GABBR2: variants seen among roughly 807,000 people sequenced by gnomAD.
The protein encoded by GABBR2 is gamma-aminobutyric acid type B receptor subunit 2, also known as G-protein coupled receptor 51.
Under a neutral mutation model 105.6 loss-of-function variants are expected in GABBR2, and 23 were observed. That is an observed-to-expected ratio of 0.22 (90% CI 0.16 to 0.31). GABBR2 has a LOEUF of 0.31. GABBR2 is among the 10% of genes least tolerant of loss of function. GABBR2 has a pLI of 1.00. For missense variants in GABBR2, 734 were observed against 1,245.5 expected (o/e 0.59, Z 6.18); for synonymous variants, 478 against 499.7 (o/e 0.96, Z 0.58).
At chr9:98,682,021 C>G (rs1309085205) in intron 1 of GABBR2, among the ~76,000 whole-genome samples, 4 of 152,066 alleles carry the variant, frequency 2.6e-5, no homozygotes, top group Non-Finnish European at 5.9e-5. Flanking sequence ...GATCACTTGA[C>G]TTCAGGAGTT....
chr9:98,385,180 C>G (rs189998904), intron 11 of GABBR2, among the ~76,000 whole-genome samples: 2 of 152,270 alleles, frequency 1.3e-5, no homozygotes, highest in Admixed American at 6.5e-5. Context: ...TCAGTGGGCT[C>G]TCTTCTAACA....
chr9:98,422,742 C>T (rs1273954565), intron 7 of GABBR2, among the ~76,000 whole-genome samples: 3 of 150,934 alleles, frequency 2.0e-5, no homozygotes, highest in African/African-American at 7.4e-5. Context: ...GGTATATCTC[C>T]CAATGCTATC....
intron 7 of GABBR2, among the ~76,000 whole-genome samples, chr9:98,443,271 C>G (rs547419485): frequency 3.3e-5 from 5 of 152,274 alleles, no homozygotes; most frequent in Admixed American, 6.5e-5. Flanking sequence ...TCTGTTGAAG[C>G]TCTCATAAGC....
chr9:98,398,923 A>G (rs1832341002), intron 8 of GABBR2, among the ~76,000 whole-genome samples: 1 of 152,208 alleles, frequency 6.6e-6, no homozygotes, highest in Admixed American at 6.5e-5. Context: ...TGCCAGGGGT[A>G]GATGTGTCCA....
At chr9:98,577,870 T>A in intron 2 of GABBR2, 65 bp downstream of exon 2, 1 of 1,487,812 alleles carries the variant, frequency 6.7e-7, no homozygotes, top group South Asian at 1.2e-5. Context: ...AAGGAATAAT[T>A]CCTGCAAAAG....
chr9:98,361,097 T>C (rs1275704736), intron 13 of GABBR2, among the ~76,000 whole-genome samples: 1 of 152,158 alleles, frequency 6.6e-6, no homozygotes, highest in African/African-American at 2.4e-5. Flanking sequence ...CCTGCCCTAC[T>C]CACTTCCCAG....
intron 7 of GABBR2, among the ~76,000 whole-genome samples, chr9:98,451,894 T>G (rs991859919): frequency 6.6e-6 from 1 of 152,160 alleles, no homozygotes; most frequent in Admixed American, 6.5e-5. Flanking sequence ...CATGTCTAAC[T>G]CCTGCCCACA....
intron 3 of GABBR2, among the ~76,000 whole-genome samples, chr9:98,531,855 C>T (rs945385416): frequency 6.6e-6 from 1 of 152,200 alleles, no homozygotes; most frequent in Non-Finnish European, 1.5e-5. Context: ...CACTCCCCAC[C>T]CTTCACCCAT....
In GABBR2 at chr9:98,496,327, C is replaced by A. The variant is rs539530773; in HGVS notation, c.732+86G>T. ...AAATGAACTTGAGACCCAGACCAAA[C>A]TTGAGGCTCTTTCATAGTCAGGTAA... On this transcript the variant is annotated intron_variant, in intron 4 of 18. Coordinates refer to ENST00000259455, the MANE Select transcript of GABBR2 (RefSeq NM_005458.8). 2.3e-5 allele frequency: 20 copies of A among 861,176 alleles called. 1 individual carries two copies. In the South Asian group the frequency reaches 2.5e-4, roughly 11 times the overall value. 53.3% of individuals were successfully genotyped at this position (861,176 alleles called of 1,614,324 possible). A position where few individuals can be genotyped will look rare whatever the true frequency, so the allele number is the denominator to read the frequency against.
Position 98,463,644 on chromosome 9 carries a change from C to T in GABBR2, c.1000-9427G>A, listed in dbSNP as rs571426979. Among the ~76,000 whole-genome samples, 31 of 147,720 alleles carry T rather than the reference C, an allele frequency of 2.1e-4. No homozygotes were observed. In the South Asian group the frequency reaches 4.0e-3, roughly 19 times the overall value. On this transcript the variant is annotated intron_variant, in intron 6 of 18. Transcript: ENST00000259455. ...CGCTCTCCGTCTCGCTCTCGCTCTC[C>T]GTCTCCCTCTTTCTACAGTCTCCCT...
At chr9:98,293,646 T>C (rs1038383180) in intron 18 of GABBR2, 139 bp downstream of exon 18, 3 of 575,298 alleles carry the variant, frequency 5.2e-6, no homozygotes, top group African/African-American at 3.8e-5. Context: ...AAAAGAGCAC[T>C]GTAATTGGAC....
intron 7 of GABBR2, among the ~76,000 whole-genome samples, chr9:98,408,170 G>A (rs532985220): frequency 2.0e-5 from 3 of 152,306 alleles, no homozygotes; most frequent in African/African-American, 4.8e-5. Context: ...CTTGGGAAGC[G>A]AGTTTCAACT....
At position 98,621,541 on chromosome 9, in the gene GABBR2, G is replaced by A. The variant is rs535764047; in HGVS notation, c.322-43469C>T. ...AGAAAGGCATGCTGTGAACTGCGAC[G>A]CATTCTGCAGACTGAAAGCAGCCAC... On this transcript the variant is annotated intron_variant, in intron 1 of 18. Transcript: ENST00000259455. 1.6e-4 allele frequency among the ~76,000 whole-genome samples: 24 copies of A among 152,286 alleles called. No individual in the cohort carries two copies. The East Asian group carries it at 3.1e-3, about 20-fold the overall frequency.
chr9:98,560,426 TACACAC>T lies in GABBR2; in HGVS notation c.459+17503_459+17508del, dbSNP rs1209503495. Among the ~76,000 whole-genome samples, 34 of 64,266 alleles carry T rather than the reference TACACAC, an allele frequency of 5.3e-4. No homozygotes were observed. The South Asian group carries it at 0.018, about 33-fold the overall frequency. The allele number at this position is 64,266 out of a possible 152,430, so 42.2% of individuals were successfully genotyped here. ...ATACACACACACACACATATACACATACACACACACACACATACACACACACACATA... is the reference window on the plus strand; with the variant it reads ...ATACACACACACACACATATACACATACACACACATACACACACACACATA... On this transcript the variant is annotated intron_variant, in intron 2 of 18. Coordinates refer to ENST00000259455, the MANE Select transcript of GABBR2 (RefSeq NM_005458.8).
chr9:98,596,192 C>A (rs560041211), intron 1 of GABBR2, among the ~76,000 whole-genome samples: 1 of 152,342 alleles, frequency 6.6e-6, no homozygotes, highest in African/African-American at 2.4e-5. Context: ...TTTCCTCCCC[C>A]ATAAACGAGG....
At position 98,538,619 on chromosome 9, in the gene GABBR2, C is replaced by T. The variant is rs572365458; in HGVS notation, c.630+3254G>A. On this transcript the variant is annotated intron_variant, in intron 3 of 18. Transcript: ENST00000259455. ...GTGGGATGGCCCTCAGCCTTCTACC[C>T]GCTTCCATAGTCCTAATGCCACAGT... 2.4e-5 allele frequency: 24 copies of T among 984,148 alleles called. No homozygotes were observed. The Admixed American group carries it at 2.5e-4, about 10-fold the overall frequency. The allele number at this position is 984,148 out of a possible 1,614,324, so 61.0% of individuals were successfully genotyped here. A position where few individuals can be genotyped will look rare whatever the true frequency, so the allele number is the denominator to read the frequency against.
chr9:98,707,075 C>A (rs1041391709), intron 1 of GABBR2, among the ~76,000 whole-genome samples: 6 of 152,202 alleles, frequency 3.9e-5, no homozygotes, highest in African/African-American at 1.4e-4. Context: ...TTATTTACAG[C>A]GCAGAGCAAG....
intron 1 of GABBR2, chr9:98,608,223 A>T (rs975038886): frequency 7.8e-6 from 6 of 765,602 alleles, no homozygotes; most frequent in Non-Finnish European, 1.3e-5. Context: ...AATTTGAGCC[A>T]GTTTTATCTA....
intron 1 of GABBR2, among the ~76,000 whole-genome samples, chr9:98,591,131 T>C (rs1286258528): frequency 6.6e-6 from 1 of 152,120 alleles, no homozygotes; most frequent in Non-Finnish European, 1.5e-5. Context: ...GGAAGGAATA[T>C]TCAAATTGCA....
Sources: allele counts gnomAD v4.1 joint callset (sites outside exome capture counted in the v4.1 genomes callset), GRCh38; gene constraint gnomAD v4.1.1; transcripts MANE v1.5; gene names NCBI Gene and HGNC (gene_info 2026-07-23, HGNC 2026-07-21).